FAM221B: variants seen among roughly 807,000 people sequenced by gnomAD.
FAM221B encodes the protein family with sequence similarity 221 member B, also known as protein FAM221B.
A neutral mutation model predicts 39.8 loss-of-function variants in FAM221B; 35 were observed. That is an observed-to-expected ratio of 0.88 (90% CI 0.67 to 1.17). FAM221B has a LOEUF of 1.17. Ranked by LOEUF, FAM221B falls within the 50% of genes most tolerant of loss-of-function variation. The pLI is 0.00. For missense variants in FAM221B, 479 were observed against 503.1 expected (o/e 0.95, Z 0.46); for synonymous variants, 158 against 178.1 (o/e 0.89, Z 0.90).
intron 3 of FAM221B, among the ~76,000 whole-genome samples, chr9:35,821,924 G>C (rs531684697): frequency 3.9e-5 from 6 of 152,184 alleles, no homozygotes; most frequent in Non-Finnish European, 5.9e-5. Flanking sequence ...AAGGCCTGGC[G>C]GGGGAGGAGA....
chr9:35,821,439 CAT>C (rs1216898249), intron 3 of FAM221B: 9 of 1,367,670 alleles, frequency 6.6e-6, no homozygotes, highest in African/African-American at 1.5e-5. Flanking sequence ...TTGTCTTACC[CAT>C]AGTCTGTCAG....
chr9:35,819,500 T>C, intron 4 of FAM221B, 106 bp from the exon 5 acceptor site: 1 of 1,021,694 alleles, frequency 9.8e-7, no homozygotes, highest in East Asian at 2.7e-5. Flanking sequence ...AGACATGCTT[T>C]TTTTTTTTTT....
intron 3 of FAM221B, chr9:35,821,332 T>G: frequency 1.6e-5 from 13 of 793,016 alleles, no homozygotes; most frequent in Non-Finnish European, 2.1e-5. Context: ...GGCATAACCC[T>G]GAGGTTCCAT....
intron 4 of FAM221B, 103 bp from the exon 5 acceptor site, chr9:35,819,497 C>T: frequency 3.5e-6 from 3 of 856,232 alleles, no homozygotes; most frequent in Non-Finnish European, 5.1e-6. Context: ...CGCAGACATG[C>T]TTTTTTTTTT....
chr9:35,822,763 C>G (rs1280038960), intron 3 of FAM221B, among the ~76,000 whole-genome samples: 3 of 152,174 alleles, frequency 2.0e-5, no homozygotes, highest in Non-Finnish European at 2.9e-5. Flanking sequence ...CTACTTCTTT[C>G]CTGGTTATGA....
chr9:35,825,483 G>A lies in FAM221B; in HGVS notation c.598+81C>T. On this transcript the variant is annotated intron_variant, in intron 2 of 6. Transcript: ENST00000423537. The surrounding 1 kb of genome is among the most constrained non-coding windows in gnomAD (Gnocchi z 4.2). ...TCTCCTCCTCCTGGGGCAAGTCAAG[G>A]ACAGTGAATAGTAGTGAGAACAGGA... 1 of 1,579,814 alleles carries A rather than the reference G, an allele frequency of 6.3e-7. No homozygotes were observed.
At chr9:35,819,503 T>C in intron 4 of FAM221B, 109 bp from the exon 5 acceptor site, 5 of 1,048,888 alleles carry the variant, frequency 4.8e-6, no homozygotes, top group Non-Finnish European at 6.8e-6. Context: ...CATGCTTTTT[T>C]TTTTTTTGAG....
At chr9:35,819,162 C>T in intron 5 of FAM221B, 35 bp downstream of exon 5, 1 of 1,542,918 alleles carries the variant, frequency 6.5e-7, no homozygotes, top group Non-Finnish European at 8.8e-7. Flanking sequence ...CCCCACCTAC[C>T]CTGCTCCCAA....
intron 3 of FAM221B, among the ~76,000 whole-genome samples, chr9:35,824,782 C>T (rs890820698): frequency 7.9e-5 from 12 of 151,386 alleles, no homozygotes; most frequent in African/African-American, 1.5e-4. Flanking sequence ...CCCGGGTTCA[C>T]GCCATTCTCC....
chr9:35,827,099 G>C (rs539036529), intron 1 of FAM221B: 2 of 152,406 alleles, frequency 1.3e-5, no homozygotes, highest in Admixed American at 1.3e-4. Flanking sequence ...GAGCCACCGT[G>C]CTTGGCCCCT....
At chr9:35,824,745 A>T (rs1406044714) in intron 3 of FAM221B, among the ~76,000 whole-genome samples, 1 of 148,500 alleles carries the variant, frequency 6.7e-6, no homozygotes, top group East Asian at 2.0e-4. Flanking sequence ...GCAGTGGCGC[A>T]ATCTCGGCTC....
At chr9:35,821,649 A>G in intron 3 of FAM221B, 7 of 1,363,418 alleles carry the variant, frequency 5.1e-6, no homozygotes, top group Non-Finnish European at 6.9e-6. Context: ...AGGATACATT[A>G]AAAAAGCAGG....
intron 3 of FAM221B, among the ~76,000 whole-genome samples, chr9:35,824,390 G>A (rs890774262): frequency 3.3e-5 from 5 of 152,190 alleles, no homozygotes; most frequent in Admixed American, 1.3e-4. Flanking sequence ...ACTGTCAAGA[G>A]TACTAATCAC....
intron 3 of FAM221B, among the ~76,000 whole-genome samples, chr9:35,823,926 A>G (rs1829212571): frequency 6.6e-6 from 1 of 152,138 alleles, no homozygotes; most frequent in Admixed American, 6.5e-5. Context: ...CAGCCTCCCA[A>G]AGTTTTGGGA....
At position 35,819,894 on chromosome 9, in the gene FAM221B, G is replaced by T; in HGVS notation, c.849C>A (p.Ile283=). The T allele has an allele frequency of 6.2e-7, 1 of 1,611,004 alleles. No individual in the cohort carries two copies. Among genetic ancestry groups the T allele is most frequent in the Non-Finnish European group, 8.5e-7 (1 of 1,177,216 alleles). ...CGHLLREHRI[I]SDISVPCKVS... ...GGCTGGTCAGTTCTCCCCTACCTGA[G>T]ATGATCCGGTGCTCTCTCAACAAGT... is the stretch of plus-strand genomic sequence containing the variant. The change falls in exon 4 of 7, where the codon ATC becomes ATA. Residue 283 remains isoleucine, a synonymous_variant. Transcript: ENST00000423537.
chr9:35,821,336 G>T, intron 3 of FAM221B: 14 of 833,432 alleles, frequency 1.7e-5, no homozygotes, highest in Non-Finnish European at 2.3e-5. Flanking sequence ...TAACCCTGAG[G>T]TTCCATAACA....
chr9:35,821,521 C>G (rs1564006101), intron 3 of FAM221B: 2 of 1,367,884 alleles, frequency 1.5e-6, no homozygotes, highest in African/African-American at 2.9e-5. Context: ...GCCTGTAGTG[C>G]CAGTGCCCCC....
At position 35,816,513 on chromosome 9, in the gene FAM221B, TACTA is replaced by T. The variant is rs1829025610; in HGVS notation, c.*1952_*1955del. On this transcript the variant is annotated 3_prime_UTR_variant, in exon 7 of 7. Coordinates refer to ENST00000423537, the MANE Select transcript of FAM221B (RefSeq NM_001012446.4). ...AATATGTAATATGTATTGCATATGA[TACTA>T]ACCCATGTGTAATCAATTTTTCATA... is the stretch of plus-strand genomic sequence containing the variant. 1 of 152,166 alleles carries T rather than the reference TACTA, an allele frequency of 6.6e-6. No individual in the cohort carries two copies. The highest frequency in any genetic ancestry group is 2.4e-5 in the African/African-American group (1 of 41,458). The allele number at this position is 152,166 out of a possible 1,614,324, so 9.4% of individuals were successfully genotyped here.
At chr9:35,821,362 G>C (rs1448031435) in intron 3 of FAM221B, 2 of 1,081,940 alleles carry the variant, frequency 1.8e-6, no homozygotes, top group Non-Finnish European at 2.6e-6. Flanking sequence ...AAGGAGAGTG[G>C]CATCATCTGG....
Sources: gnomAD v4.1 joint callset for allele counts (sites outside exome capture counted in the v4.1 genomes callset) on GRCh38, gnomAD v4.1.1 for gene constraint, Gnocchi (gnomAD v3.1) non-coding constraint, MANE v1.5 for transcripts, NCBI Gene and HGNC (gene_info 2026-07-23, HGNC 2026-07-21) for gene names.